Variants in MAPKAP1 observed in about 807,000 individuals in gnomAD.
The protein encoded by MAPKAP1 is target of rapamycin complex 2 subunit MAPKAP1.
MAPKAP1 carries 20 observed loss-of-function variants against 65.7 expected under a neutral mutation model. The ratio of observed to expected loss-of-function variants is 0.30; its 90% confidence interval spans 0.21 to 0.44. The LOEUF (loss-of-function observed/expected upper bound fraction) is 0.44. Among genes scored for constraint, MAPKAP1 ranks in the 20% least tolerant of loss-of-function variants. The pLI is 1.00. For missense variants in MAPKAP1, 423 were observed against 648.0 expected, an observed-to-expected ratio of 0.65 and a Z score of 3.77; for synonymous variants, 222 against 244.3, an observed-to-expected ratio of 0.91 and a Z score of 0.85.
chr9:125,620,622 G>A (rs977248254), intron 4 of MAPKAP1, among the ~76,000 whole-genome samples: 1 of 152,142 alleles, frequency 6.6e-6, no homozygotes, highest in Non-Finnish European at 1.5e-5. Context: ...CACCGACAGA[G>A]AATTAGTTAC....
At chr9:125,531,491 C>T (rs1012420841) in intron 7 of MAPKAP1, among the ~76,000 whole-genome samples, 10 of 152,186 alleles carry the variant, frequency 6.6e-5, no homozygotes, top group Non-Finnish European at 1.3e-4. Flanking sequence ...CTTAAAACCA[C>T]AGATCAATGG....
intron 5 of MAPKAP1, among the ~76,000 whole-genome samples, chr9:125,561,473 T>C (rs1413357005): frequency 1.3e-5 from 2 of 152,228 alleles, no homozygotes; most frequent in African/African-American, 4.8e-5. Context: ...TTTCAGGTAT[T>C]TGTAATGCTG....
At chr9:125,703,746 T>C (rs1477728790) in intron 1 of MAPKAP1, among the ~76,000 whole-genome samples, 3 of 140,098 alleles carry the variant, frequency 2.1e-5, no homozygotes, top group Non-Finnish European at 4.5e-5. Flanking sequence ...CACTCCACCC[T>C]GGGTGATAGA....
At chr9:125,498,852 A>T (rs1589238082) in intron 8 of MAPKAP1, among the ~76,000 whole-genome samples, 1 of 151,872 alleles carries the variant, frequency 6.6e-6, no homozygotes, top group South Asian at 2.1e-4. Context: ...ATTCTGGGTC[A>T]CCCCCTTCTA....
chr9:125,451,298 T>A (rs1261901837), intron 10 of MAPKAP1, among the ~76,000 whole-genome samples: 1 of 152,180 alleles, frequency 6.6e-6, no homozygotes, highest in Non-Finnish European at 1.5e-5. Flanking sequence ...GGTCACCTGA[T>A]TCTTGGGTCC....
At chr9:125,531,576 T>G (rs2133140874) in intron 7 of MAPKAP1, among the ~76,000 whole-genome samples, 1 of 152,338 alleles carries the variant, frequency 6.6e-6, no homozygotes, top group African/African-American at 2.4e-5. Flanking sequence ...CTTTTTATGC[T>G]ACAAGAATAC....
Position 125,446,592 on chromosome 9 carries a change from C to T in MAPKAP1, c.1346-1994G>A, listed in dbSNP as rs557291480. ...TTGGCCATGCTGTGAACAAGCACAG[C>T]CATCTACAAAGGACACAGGGCTGTG... On this transcript the variant is annotated intron_variant, in intron 10 of 11. Transcript: ENST00000265960. Among the ~76,000 whole-genome samples, 6 of 152,232 alleles carry T rather than the reference C, an allele frequency of 3.9e-5. No homozygotes were observed. The South Asian group carries it at 1.2e-3, about 32-fold the overall frequency.
intron 1 of MAPKAP1, among the ~76,000 whole-genome samples, chr9:125,673,231 T>C (rs1013570081): frequency 4.6e-5 from 7 of 152,158 alleles, no homozygotes; most frequent in Non-Finnish European, 1.0e-4. Context: ...TTGTTGTTGT[T>C]GTTGTGTTTT....
chr9:125,558,965 A>G (rs1375319886), intron 6 of MAPKAP1: 1 of 152,250 alleles, frequency 6.6e-6, no homozygotes, highest in East Asian at 1.9e-4. Flanking sequence ...CTCAAATACC[A>G]TTTATGCTCA....
At chr9:125,630,432 T>C (rs1346912608) in intron 4 of MAPKAP1, among the ~76,000 whole-genome samples, 2 of 152,098 alleles carry the variant, frequency 1.3e-5, no homozygotes, top group African/African-American at 4.8e-5. Context: ...ATGCCCAGCC[T>C]CCAATAACTC....
chr9:125,649,874 T>C (rs1340865189), intron 4 of MAPKAP1, among the ~76,000 whole-genome samples: 4 of 151,952 alleles, frequency 2.6e-5, no homozygotes, highest in Non-Finnish European at 2.9e-5. Context: ...TATGCCCAGC[T>C]AGGTGACCCT....
chr9:125,650,638 G>C (rs1022700385), intron 4 of MAPKAP1, among the ~76,000 whole-genome samples: 5 of 152,120 alleles, frequency 3.3e-5, no homozygotes, highest in African/African-American at 1.2e-4. Context: ...CTACCTCATG[G>C]AATTTTTAGA....
At chr9:125,683,141 A>G (rs1467520589) in intron 1 of MAPKAP1, among the ~76,000 whole-genome samples, 3 of 151,966 alleles carry the variant, frequency 2.0e-5, no homozygotes, top group African/African-American at 7.3e-5. Context: ...TATTTTTAGT[A>G]GAGATGGAGT....
chr9:125,553,926 A>C (rs1830660032), intron 6 of MAPKAP1, among the ~76,000 whole-genome samples: 1 of 151,838 alleles, frequency 6.6e-6, no homozygotes, highest in Non-Finnish European at 1.5e-5. Flanking sequence ...AGTCCCAGCT[A>C]CTTGGGAGGC....
chr9:125,440,191 C>T (rs868864240), intron 11 of MAPKAP1, among the ~76,000 whole-genome samples: 1 of 152,238 alleles, frequency 6.6e-6, no homozygotes, highest in African/African-American at 2.4e-5. Context: ...GTGGTGGCAA[C>T]TGGCACTGCT....
chr9:125,527,841 G>T (rs987871101), intron 7 of MAPKAP1, among the ~76,000 whole-genome samples: 2 of 152,130 alleles, frequency 1.3e-5, no homozygotes, highest in Admixed American at 1.3e-4. Flanking sequence ...TAATTTCAAC[G>T]GATATGCATC....
At chr9:125,616,268 A>AAT (rs1246439771) in intron 4 of MAPKAP1, among the ~76,000 whole-genome samples, 26 of 152,226 alleles carry the variant, frequency 1.7e-4, no homozygotes, top group Non-Finnish European at 5.9e-5. Flanking sequence ...AAAAACTTTA[A>AAT]ATACAATTTG....
intron 7 of MAPKAP1, among the ~76,000 whole-genome samples, chr9:125,534,055 C>A (rs550529344): frequency 6.6e-6 from 1 of 152,096 alleles, no homozygotes; most frequent in Admixed American, 6.5e-5. Context: ...GACATAATTA[C>A]CCTAAAAACC....
chr9:125,539,830 A>G (rs1830188318), intron 7 of MAPKAP1, among the ~76,000 whole-genome samples: 1 of 152,234 alleles, frequency 6.6e-6, no homozygotes, highest in Non-Finnish European at 1.5e-5. Context: ...ATGCAGGTAC[A>G]TTCCAAATGT....
Sources: allele counts gnomAD v4.1 joint callset (sites outside exome capture counted in the v4.1 genomes callset), GRCh38; gene constraint gnomAD v4.1.1; transcripts MANE v1.5; gene names NCBI Gene and HGNC (gene_info 2026-07-23, HGNC 2026-07-21).